TTK: variants seen among roughly 807,000 people sequenced by gnomAD.
TTK encodes the protein dual specificity protein kinase TTK.
A neutral mutation model predicts 117.3 loss-of-function variants in TTK; 59 were observed. The ratio of observed to expected loss-of-function variants is 0.50; its 90% CI spans 0.41 to 0.62. TTK has a LOEUF of 0.62. Among genes scored for constraint, TTK ranks in the 20% least tolerant of loss-of-function variants. The pLI, the probability that TTK is intolerant of heterozygous loss-of-function variation, is 0.00. For synonymous variants in TTK, 302 were observed against 325.0 expected (o/e 0.93, Z 0.76); for missense variants, 921 against 989.4 (o/e 0.93, Z 0.93).
chr6:80,010,850 C>G lies in TTK; in HGVS notation c.506C>G (p.Ala169Gly). 1 of 1,611,490 alleles carries G rather than the reference C, an allele frequency of 6.2e-7. No individual in the cohort carries two copies. Among genetic ancestry groups the G allele is most frequent in the Non-Finnish European group, 8.5e-7 (1 of 1,178,424 alleles). ...AAAAGTAAACAACTTCTTCAAAAAGCTGTAGAACGTGGAGCAGTACCACTA... is the reference window on the plus strand; with the variant it reads ...AAAAGTAAACAACTTCTTCAAAAAGGTGTAGAACGTGGAGCAGTACCACTA... ...VKKSKQLLQKAVERGAVPLEM... is the reference protein window; with the variant it reads ...VKKSKQLLQKGVERGAVPLEM... Residue 169 changes from alanine (A) to glycine (G), a missense_variant, in exon 5 of 22, where the codon GCT becomes GGT. By Grantham distance (60) the Ala-to-Gly change is moderately conservative. Transcript: ENST00000369798.
At chr6:80,024,161 G>A (rs555346954) in intron 11 of TTK, among the ~76,000 whole-genome samples, 12 of 152,280 alleles carry the variant, frequency 7.9e-5, no homozygotes, top group Non-Finnish European at 1.8e-4. Flanking sequence ...CTGCTAGTGG[G>A]AATGTAAAAT....
At chr6:80,019,201 A>G (rs896247390) in intron 10 of TTK, among the ~76,000 whole-genome samples, 6 of 152,228 alleles carry the variant, frequency 3.9e-5, no homozygotes, top group Admixed American at 3.3e-4. Flanking sequence ...ATAAATTACA[A>G]ACTAGCATAA....
rs1768023873 is a variant in TTK at position 80,040,646 on chromosome 6, T to C, written c.2433T>C (p.Tyr811=). 3.1e-6 allele frequency: 5 copies of C among 1,611,990 alleles called. No individual in the cohort carries two copies. The highest frequency in any genetic ancestry group is 1.7e-5 in the Admixed American group (1 of 59,856). ...AGGGAACCACTGAAGAAATGAAATA[T>C]GTTCTGGGCCAACTTGTTGGTCTGA... ...MAKGTTEEMK[Y]VLGQLVGLNS... Residue 811 remains tyrosine, a synonymous_variant, in exon 21 of 22, where the codon TAT becomes TAC. Transcript: ENST00000369798.
At chr6:80,030,222 T>C (rs1767719208) in intron 13 of TTK, among the ~76,000 whole-genome samples, 1 of 152,156 alleles carries the variant, frequency 6.6e-6, no homozygotes, top group South Asian at 2.1e-4. Flanking sequence ...GAGGTCTTTT[T>C]GTTTCACCTT....
At chr6:80,038,901 T>C (rs1390197269) in intron 18 of TTK, among the ~76,000 whole-genome samples, 6 of 152,116 alleles carry the variant, frequency 3.9e-5, no homozygotes, top group Admixed American at 1.3e-4. Context: ...TGAGTACTTG[T>C]GATAACCAGA....
At chr6:80,008,857 C>G (rs1322221386) in intron 4 of TTK, among the ~76,000 whole-genome samples, 3 of 150,408 alleles carry the variant, frequency 2.0e-5, no homozygotes, top group African/African-American at 4.9e-5. Context: ...TTTTCTTATG[C>G]TATGGTTTCA....
chr6:80,022,638 C>CAT (rs1356517779), intron 11 of TTK, among the ~76,000 whole-genome samples, 166 bp downstream of exon 11: 1 of 152,186 alleles, frequency 6.6e-6, no homozygotes, highest in Non-Finnish European at 1.5e-5. Flanking sequence ...CAGTAGCAGT[C>CAT]ATACGTTCAG....
chr6:80,026,032 G>A (rs986704286), intron 11 of TTK, among the ~76,000 whole-genome samples: 2 of 152,056 alleles, frequency 1.3e-5, no homozygotes, highest in African/African-American at 4.8e-5. Context: ...AAGAAAGGCT[G>A]ATTTTCAGAA....
chr6:80,014,557 C>G lies in TTK; in HGVS notation c.1079C>G (p.Thr360Arg), dbSNP rs199645793. Residue 360 changes from threonine to arginine, a missense_variant, in exon 10 of 22, where the codon ACG (threonine) becomes AGG (arginine). Coordinates refer to ENST00000369798, the MANE Select transcript of TTK (RefSeq NM_003318.5). ...GATTCAATAACCCTGAAGAATAAAA[C>G]GGAATCAAGTCTTCTAGCTAAATTA... ...ITDSITLKNKTESSLLAKLEE... is the reference protein window; with the variant it reads ...ITDSITLKNKRESSLLAKLEE... 2.5e-6 allele frequency: 4 copies of G among 1,600,678 alleles called. No homozygotes were observed. Among genetic ancestry groups the G allele is most frequent in the Non-Finnish European group, 3.4e-6 (4 of 1,173,974 alleles).
intron 4 of TTK, 24 bp from the exon 5 acceptor site, chr6:80,010,790 G>A: frequency 6.3e-7 from 1 of 1,588,976 alleles, no homozygotes; most frequent in Non-Finnish European, 8.6e-7. Flanking sequence ...GCCTAAAAAT[G>A]ACAATTATCT....
intron 2 of TTK, chr6:80,006,254 A>C (rs1766992207): frequency 2.5e-6 from 1 of 396,222 alleles, no homozygotes; most frequent in Non-Finnish European, 4.7e-6. Flanking sequence ...AGCTCTTCTA[A>C]AAGTATTAGC....
intron 10 of TTK, among the ~76,000 whole-genome samples, chr6:80,019,450 T>C (rs1240054413): frequency 1.3e-5 from 2 of 152,208 alleles, no homozygotes; most frequent in Non-Finnish European, 2.9e-5. Flanking sequence ...AGACATCTCA[T>C]AAGCATCAAT....
intron 2 of TTK, 53 bp downstream of exon 2, chr6:80,006,035 G>A (rs1582083879): frequency 6.4e-7 from 1 of 1,570,368 alleles, no homozygotes; most frequent in Non-Finnish European, 8.6e-7. Context: ...TATCCTCTAA[G>A]GTAAAGATAT....
chr6:80,039,940 A>C, intron 19 of TTK, 68 bp downstream of exon 19: 3 of 1,264,044 alleles, frequency 2.4e-6, no homozygotes, highest in Non-Finnish European at 3.2e-6. Flanking sequence ...GAATTATGTA[A>C]CTGGCTTAGA....
At chr6:80,006,495 C>T (rs1766998050) in intron 2 of TTK, among the ~76,000 whole-genome samples, 1 of 152,012 alleles carries the variant, frequency 6.6e-6, no homozygotes, top group Admixed American at 6.6e-5. Flanking sequence ...TTAATTATGT[C>T]ACTAACAAAG....
chr6:80,018,869 C>T (rs1253469392), intron 10 of TTK, among the ~76,000 whole-genome samples: 1 of 152,024 alleles, frequency 6.6e-6, no homozygotes, highest in Non-Finnish European at 1.5e-5. Flanking sequence ...CTGTTTTATA[C>T]TGAGGCTACT....
intron 10 of TTK, 92 bp downstream of exon 10, chr6:80,014,678 T>A (rs551588435): frequency 1.6e-6 from 2 of 1,260,196 alleles, no homozygotes; most frequent in Non-Finnish European, 2.2e-6. Flanking sequence ...AGAATTATGA[T>A]GTGAAACTGT....
At position 80,011,559 on chromosome 6, in the gene TTK, G is replaced by A. The variant is rs1252574227; in HGVS notation, c.728+11G>A. The stretch of plus-strand genomic sequence containing the variant: ...CAGGTTTTTATATGGGTAAGGAAAC[G>A]GAAACAGTTTTTAAATGTTCATCTT... On this transcript the variant is annotated intron_variant, in intron 6 of 21. Transcript: ENST00000369798. 6.3e-6 allele frequency: 10 copies of A among 1,590,238 alleles called. No homozygotes were observed. The highest frequency in any genetic ancestry group is 2.7e-5 in the African/African-American group (2 of 73,372).
chr6:80,012,454 C>T (rs1767186518), intron 8 of TTK, among the ~76,000 whole-genome samples: 1 of 152,080 alleles, frequency 6.6e-6, no homozygotes, highest in Admixed American at 6.6e-5. Flanking sequence ...AGATGAATTA[C>T]TGTTCATCAC....
Sources: gnomAD v4.1 joint callset for allele counts (sites outside exome capture counted in the v4.1 genomes callset) on GRCh38, gnomAD v4.1.1 for gene constraint, MANE v1.5 for transcripts, NCBI Gene and HGNC (gene_info 2026-07-23, HGNC 2026-07-21) for gene names.